Variants in TTC21B observed in about 807,000 individuals in gnomAD.
The protein encoded by TTC21B is tetratricopeptide repeat protein 21B.
TTC21B carries 127 observed loss-of-function variants against 175.1 expected under a neutral mutation model. The ratio of observed to expected loss-of-function variants is 0.73; its 90% CI spans 0.63 to 0.84. The LOEUF is 0.84. TTC21B is among the 40% of genes least tolerant of loss of function. The probability of loss-of-function intolerance (pLI) is 0.00; values close to 1 mark genes in which losing one functional copy is unlikely to be tolerated. For synonymous variants in TTC21B, 524 were observed against 524.5 expected, an observed-to-expected ratio of 1.00 and a Z score of 0.01; for missense variants, 1,561 against 1,558.3, an observed-to-expected ratio of 1.00 and a Z score of -0.03.
At position 165,933,004 on chromosome 2, in the gene TTC21B, T is replaced by C. The variant is rs377061787; in HGVS notation, c.764A>G (p.Tyr255Cys). 49 of 1,613,102 alleles carry C rather than the reference T, an allele frequency of 3.0e-5. No homozygotes were observed. The highest frequency in any genetic ancestry group is 1.7e-4 in the Middle Eastern group (1 of 6,052). Reference sequence around the variant, plus strand: ...TATATCCCCCTCTCTACACACATAGTAGAGTGCCTGCATTCTCAGTGCTTC... The same window carrying C: ...TATATCCCCCTCTCTACACACATAGCAGAGTGCCTGCATTCTCAGTGCTTC... ...NVEALRMQAL[Y>C]YVCREGDIEK... The change falls in exon 7 of 29, where the codon TAC (tyrosine) becomes TGC (cysteine). Residue 255 changes from tyrosine (Y) to cysteine (C), a missense_variant. Coordinates refer to ENST00000243344, the MANE Select transcript of TTC21B (RefSeq NM_024753.5).
chr2:165,933,173 C>A, intron 6 of TTC21B, 116 bp from the exon 7 acceptor site: 1 of 756,866 alleles, frequency 1.3e-6, no homozygotes, highest in Admixed American at 2.3e-5. Flanking sequence ...AAGTAATTTT[C>A]ACTAGTAAAA....
chr2:165,888,543 G>A, intron 24 of TTC21B, 69 bp from the exon 25 acceptor site: 1 of 1,280,846 alleles, frequency 7.8e-7, no homozygotes. Flanking sequence ...ATTAGAATCA[G>A]CTTTTGTACA....
At position 165,953,724 on chromosome 2, in the gene TTC21B, C is replaced by A. The variant is rs1444781234; in HGVS notation, c.-19G>T. 1.3e-6 allele frequency: 2 copies of A among 1,544,214 alleles called. No individual in the cohort carries two copies. The highest frequency in any genetic ancestry group is 2.0e-5 in the Admixed American group (1 of 50,750). Reference sequence around the variant, plus strand: ...AGTCCATGGCTGCCCCGAGGCCGGGCCGCGGGGCTCTGGGGATTGTCTCGC... The same window carrying A: ...AGTCCATGGCTGCCCCGAGGCCGGGACGCGGGGCTCTGGGGATTGTCTCGC... On this transcript the variant is annotated 5_prime_UTR_variant, in exon 1 of 29. Transcript: ENST00000243344.
chr2:165,898,846 A>G lies in TTC21B; in HGVS notation c.2869-79T>C, dbSNP rs1685457376. The G allele has an allele frequency of 5.8e-6, 5 of 868,190 alleles. No homozygotes were observed. In the Admixed American group the frequency reaches 8.9e-5, roughly 16 times the overall value. 53.8% of individuals were successfully genotyped at this position (868,190 alleles called of 1,614,324 possible). On this transcript the variant is annotated intron_variant, in intron 21 of 28. Transcript: ENST00000243344. ...GTTCTTCCAATCAAGATTTAGCACTAGAAAAATATAGATGATAAACATGAG... is the reference window on the plus strand; with the variant it reads ...GTTCTTCCAATCAAGATTTAGCACTGGAAAAATATAGATGATAAACATGAG...
At chr2:165,904,141 T>A (rs1685652376) in intron 19 of TTC21B, among the ~76,000 whole-genome samples, 1 of 140,882 alleles carries the variant, frequency 7.1e-6, no homozygotes, top group African/African-American at 2.7e-5. Flanking sequence ...AGGAGTGAAC[T>A]AAGCTAAATT....
Position 165,953,740 on chromosome 2 carries a change from A to T in TTC21B, c.-35T>A. 6.5e-7 allele frequency: 1 copy of T among 1,546,618 alleles called. No homozygotes were observed. Among genetic ancestry groups the T allele is most frequent in the Non-Finnish European group, 8.7e-7 (1 of 1,145,676 alleles). ...GAGGCCGGGCCGCGGGGCTCTGGGGATTGTCTCGCCGCAGCCTAAAGGAAG... is the reference window on the plus strand; with the variant it reads ...GAGGCCGGGCCGCGGGGCTCTGGGGTTTGTCTCGCCGCAGCCTAAAGGAAG... On this transcript the variant is annotated 5_prime_UTR_variant, in exon 1 of 29. Coordinates refer to ENST00000243344, the MANE Select transcript of TTC21B (RefSeq NM_024753.5).
At chr2:165,949,289 A>T in intron 3 of TTC21B, 105 bp downstream of exon 3, 1 of 855,556 alleles carries the variant, frequency 1.2e-6, no homozygotes, top group Non-Finnish European at 2.0e-6. Flanking sequence ...ACCTACAGAA[A>T]ATACATAATA....
intron 19 of TTC21B, among the ~76,000 whole-genome samples, chr2:165,905,507 C>A (rs550781357): frequency 6.6e-6 from 1 of 152,076 alleles, no homozygotes; most frequent in East Asian, 1.9e-4. Context: ...TATAATAACA[C>A]AAGACAAAGG....
At chr2:165,888,835 A>G (rs2105289916) in intron 24 of TTC21B, among the ~76,000 whole-genome samples, 1 of 152,338 alleles carries the variant, frequency 6.6e-6, no homozygotes, top group Admixed American at 6.5e-5. Context: ...CAAAAAGTGA[A>G]AGGAAAGGAA....
At chr2:165,899,398 C>T (rs1190782303) in intron 21 of TTC21B, among the ~76,000 whole-genome samples, 5 of 151,846 alleles carry the variant, frequency 3.3e-5, no homozygotes, top group Admixed American at 6.6e-5. Context: ...TTTTTTTTCC[C>T]CTGTAACTCC....
chr2:165,934,389 C>T (rs1279532706), intron 6 of TTC21B, among the ~76,000 whole-genome samples: 1 of 150,304 alleles, frequency 6.7e-6, no homozygotes, highest in Non-Finnish European at 1.5e-5. Flanking sequence ...GTAATCCAAG[C>T]TACTCAGGAG....
intron 19 of TTC21B, 89 bp from the exon 20 acceptor site, chr2:165,901,999 T>G: frequency 8.6e-7 from 1 of 1,162,520 alleles, no homozygotes; most frequent in Non-Finnish European, 1.3e-6. Flanking sequence ...TACAGATTTA[T>G]TTAAACATTA....
At chr2:165,927,569 G>T (rs2105341016) in intron 11 of TTC21B, among the ~76,000 whole-genome samples, 2 of 150,984 alleles carry the variant, frequency 1.3e-5, no homozygotes, top group South Asian at 4.2e-4. Context: ...AAGGAATGTA[G>T]TTTGTTTTAC....
At chr2:165,949,120 C>A in intron 3 of TTC21B, 1 of 402,374 alleles carries the variant, frequency 2.5e-6, no homozygotes, top group South Asian at 3.0e-5. Context: ...TTTTGTGTAA[C>A]AATTACTAAT....
intron 22 of TTC21B, among the ~76,000 whole-genome samples, chr2:165,891,228 ATATTTCTTGTAGCTTTTC>A (rs1401748599): frequency 9.2e-5 from 14 of 152,226 alleles, no homozygotes; most frequent in African/African-American, 3.1e-4. Context: ...AGAAAAATGC[ATATTTCTTGTAGCTTTTC>A]TATTGTTTGG....
intron 11 of TTC21B, among the ~76,000 whole-genome samples, chr2:165,927,046 GTATATATATATATCCTAGTAGATATATA>G (rs1686668172): frequency 2.5e-5 from 2 of 78,662 alleles, no homozygotes; most frequent in African/African-American, 1.2e-4. Flanking sequence ...ATATATATGT[GTATATATATATATCCTAGTAGATATATA>G]TATATATATA....
intron 12 of TTC21B, among the ~76,000 whole-genome samples, chr2:165,921,919 C>G (rs1045601890): frequency 2.8e-4 from 42 of 151,322 alleles, no homozygotes; most frequent in Middle Eastern, 3.4e-3. Flanking sequence ...TTCTGGTGCA[C>G]TCATCACCCA....
At chr2:165,935,878 G>A (rs1325380530) in intron 6 of TTC21B, among the ~76,000 whole-genome samples, 1 of 152,260 alleles carries the variant, frequency 6.6e-6, no homozygotes, top group East Asian at 1.9e-4. Context: ...CAAGATGTTA[G>A]TTCTTCCCAA....
At chr2:165,917,514 G>T (rs748162440) in intron 13 of TTC21B, 33 bp from the exon 14 acceptor site, 1 of 1,492,192 alleles carries the variant, frequency 6.7e-7, no homozygotes, top group South Asian at 1.1e-5. Flanking sequence ...TCCTTGGAGT[G>T]CTTACAACAT....
Sources: gnomAD v4.1 joint callset for allele counts (sites outside exome capture counted in the v4.1 genomes callset) on GRCh38, gnomAD v4.1.1 for gene constraint, MANE v1.5 for transcripts, NCBI Gene and HGNC (gene_info 2026-07-23, HGNC 2026-07-21) for gene names.